RBM15B: variants seen among roughly 807,000 people sequenced by gnomAD.
RBM15B encodes the protein putative RNA-binding protein 15B.
Under a neutral mutation model 53.3 loss-of-function variants are expected in RBM15B, and 11 were observed. The ratio of observed to expected loss-of-function variants is 0.21; its 90% CI spans 0.13 to 0.34. The LOEUF (loss-of-function observed/expected upper bound fraction) is 0.34. Among genes scored for constraint, RBM15B ranks in the 10% least tolerant of loss-of-function variants. The probability of loss-of-function intolerance (pLI) is 1.00; values close to 1 mark genes in which losing one functional copy is unlikely to be tolerated. For synonymous variants in RBM15B, 631 were observed against 540.7 expected, an observed-to-expected ratio of 1.17 and a Z score of -2.32; for missense variants, 1,136 against 1,250.3, an observed-to-expected ratio of 0.91 and a Z score of 1.38.
At position 51,392,533 on chromosome 3, in the gene RBM15B, C is replaced by G; in HGVS notation, c.1134C>G (p.Ala378=). Residue 378 remains alanine (A), a synonymous_variant, in exon 1 of 1, where the codon GCC becomes GCG. Transcript: ENST00000563281. This position sits in a 1 kb window ranked among gnomAD's most constrained non-coding sequence, Gnocchi z 7.5. ...GGCCTGCCCGTGGCCAGGGCGGTGC[C>G]TATGCCTTCCTCAAGTTCCAGAACC... ...IKRPARGQGG[A]YAFLKFQNLD... The G allele has an allele frequency of 6.2e-7, 1 of 1,613,898 alleles. No individual in the cohort carries two copies. Among genetic ancestry groups the G allele is most frequent in the Admixed American group, 1.7e-5 (1 of 60,028 alleles).
rs1264607063 is a variant in RBM15B at position 51,397,347 on chromosome 3, CTT to C, written c.*3277_*3278del. ...CCAATTTTAGGGGCCTCTGAAGTAT[CTT>C]TCTACAAACGCAGACAAGCTCCACT... On this transcript the variant is annotated 3_prime_UTR_variant, in exon 1 of 1. Coordinates refer to ENST00000563281, the MANE Select transcript of RBM15B (RefSeq NM_013286.5). 6.0e-6 allele frequency: 1 copy of C among 167,078 alleles called. No homozygotes were observed. Among genetic ancestry groups the C allele is most frequent in the Non-Finnish European group, 1.5e-5 (1 of 68,130 alleles). The allele number at this position is 167,078 out of a possible 1,614,324, so 10.3% of individuals were successfully genotyped here. A position where few individuals can be genotyped will look rare whatever the true frequency, so the allele number is the denominator to read the frequency against.
At position 51,392,603 on chromosome 3, in the gene RBM15B, A is replaced by T. The variant is rs781963715; in HGVS notation, c.1204A>T (p.Ile402Phe). 15 of 1,614,044 alleles carry T rather than the reference A, an allele frequency of 9.3e-6. No homozygotes were observed. In the East Asian group the frequency reaches 3.3e-4, roughly 36 times the overall value. ...RAKVAMSGRV[I>F]GRNPIKIGYG... ...TAAGGTGGCCATGTCGGGCCGAGTG[A>T]TTGGTCGCAACCCCATTAAGATAGG... The change falls in exon 1 of 1, where the codon ATT (isoleucine) becomes TTT (phenylalanine). Residue 402 changes from isoleucine to phenylalanine, a missense_variant. By Grantham distance (21) the Ile-to-Phe change is conservative. Transcript: ENST00000563281. This position sits in a 1 kb window ranked among gnomAD's most constrained non-coding sequence, Gnocchi z 7.5.
At position 51,392,310 on chromosome 3, in the gene RBM15B, T is replaced by C; in HGVS notation, c.911T>C (p.Leu304Pro). 1 of 1,611,468 alleles carries C rather than the reference T, an allele frequency of 6.2e-7. No individual in the cohort carries two copies. Among genetic ancestry groups the C allele is most frequent in the Non-Finnish European group, 8.5e-7 (1 of 1,179,312 alleles). ...GTGGGACTGTCCCGGGAGCGGGCCC[T>C]GGACTACTACGGGCTGTACGACGAC... ...AAVGLSRERA[L>P]DYYGLYDDRG... The change falls in exon 1 of 1, where the codon CTG (leucine) becomes CCG (proline). Residue 304 changes from leucine to proline, a missense_variant. Physicochemically the swap from Leu to Pro is moderately conservative, Grantham distance 98 (BLOSUM62 -3). Around this residue, in one of 7 missense-constraint regions of RBM15B, gnomAD observed 204 missense variants for 196.8 expected, o/e 1.04. Transcript: ENST00000563281. This position sits in a 1 kb window ranked among gnomAD's most constrained non-coding sequence, Gnocchi z 7.5.
Position 51,391,537 on chromosome 3 carries a change from G to A in RBM15B, c.138G>A (p.Lys46=). ...RAAHKASGGA[K]HPVPARARDK... ...CGCACAAGGCCTCTGGCGGCGCCAA[G>A]CACCCGGTTCCAGCGCGGGCCCGCG... is the stretch of plus-strand genomic sequence containing the variant. Residue 46 remains lysine, a synonymous_variant, in exon 1 of 1, where the codon AAG becomes AAA. Coordinates refer to ENST00000563281, the MANE Select transcript of RBM15B (RefSeq NM_013286.5). This position sits in a 1 kb window ranked among gnomAD's most constrained non-coding sequence, Gnocchi z 4.5. The A allele has an allele frequency of 8.4e-7, 1 of 1,187,402 alleles. No individual in the cohort carries two copies. Among genetic ancestry groups the A allele is most frequent in the Non-Finnish European group, 1.0e-6 (1 of 959,472 alleles). The allele number at this position is 1,187,402 out of a possible 1,614,324, so 73.6% of individuals were successfully genotyped here. A position where few individuals can be genotyped will look rare whatever the true frequency, so the allele number is the denominator to read the frequency against.
In RBM15B at chr3:51,395,641, T is replaced by C. The variant is rs1553622616; in HGVS notation, c.*1569T>C. Reference sequence around the variant, plus strand: ...GATGATAACCAGGAACTCCAGGTTCTGCTGGCCGTGGCATCCTCTCTCCAG... The same window carrying C: ...GATGATAACCAGGAACTCCAGGTTCCGCTGGCCGTGGCATCCTCTCTCCAG... On this transcript the variant is annotated 3_prime_UTR_variant, in exon 1 of 1. Transcript: ENST00000563281. 2 of 410,604 alleles carry C rather than the reference T, an allele frequency of 4.9e-6. No homozygotes were observed. Among genetic ancestry groups the C allele is most frequent in the Middle Eastern group, 6.3e-4 (1 of 1,578 alleles). 25.4% of individuals were successfully genotyped at this position (410,604 alleles called of 1,614,324 possible).
In RBM15B at chr3:51,391,886, T is replaced by C. The variant is rs1208029894; in HGVS notation, c.487T>C (p.Phe163Leu). The change falls in exon 1 of 1, where the codon TTC (phenylalanine) becomes CTC (leucine). Residue 163 changes from phenylalanine (F) to leucine (L), a missense_variant. Phe to Leu is a conservative substitution (Grantham distance 22). This residue lies in a region of RBM15B where 257 missense variants were observed against 261.1 expected (regional missense o/e 0.98). Coordinates refer to ENST00000563281, the MANE Select transcript of RBM15B (RefSeq NM_013286.5). The surrounding 1 kb of genome is among the most constrained non-coding windows in gnomAD (Gnocchi z 4.5). ...CCTCGAGGACCGGCTCTTCCACCAG[T>C]TCAAGCGCTTCGGCGAGATCAGCCT... ...EHLEDRLFHQFKRFGEISLRL... is the reference protein window; with the variant it reads ...EHLEDRLFHQLKRFGEISLRL... The C allele has an allele frequency of 6.2e-7, 1 of 1,603,366 alleles. No homozygotes were observed. The highest frequency in any genetic ancestry group is 8.5e-7 in the Non-Finnish European group (1 of 1,179,186).
Position 51,392,358 on chromosome 3 carries a change from C to A in RBM15B, c.959C>A (p.Pro320Gln). ...GACCGTGGGCGCCCCTATGGCTACC[C>A]AGCTGTGTGTGAGGAGGACCTGATG... ...YDDRGRPYGY[P>Q]AVCEEDLMPE... is the part of the protein sequence containing the mutation. Residue 320 changes from proline (P) to glutamine (Q), a missense_variant, in exon 1 of 1, where the codon CCA (proline) becomes CAA (glutamine). By Grantham distance (76) the Pro-to-Gln change is moderately conservative (BLOSUM62 -1). Around this residue, in one of 7 missense-constraint regions of RBM15B, gnomAD observed 204 missense variants for 196.8 expected, o/e 1.04. Coordinates refer to ENST00000563281, the MANE Select transcript of RBM15B (RefSeq NM_013286.5). This position sits in a 1 kb window ranked among gnomAD's most constrained non-coding sequence, Gnocchi z 7.5. 3 of 1,613,946 alleles carry A rather than the reference C, an allele frequency of 1.9e-6. No homozygotes were observed. Among genetic ancestry groups the A allele is most frequent in the Non-Finnish European group, 2.5e-6 (3 of 1,180,032 alleles).
Position 51,391,654 on chromosome 3 carries a change from C to T in RBM15B, c.255C>T (p.Ser85=). The T allele has an allele frequency of 3.3e-6, 4 of 1,201,002 alleles. No individual in the cohort carries two copies. Among genetic ancestry groups the T allele is most frequent in the East Asian group, 3.5e-5 (1 of 28,386 alleles). The allele number at this position is 1,201,002 out of a possible 1,614,324, so 74.4% of individuals were successfully genotyped here. A position where few individuals can be genotyped will look rare whatever the true frequency, so the allele number is the denominator to read the frequency against. The change falls in exon 1 of 1, where the codon TCC becomes TCT. Residue 85 remains serine (S), a synonymous_variant. Coordinates refer to ENST00000563281, the MANE Select transcript of RBM15B (RefSeq NM_013286.5). The surrounding 1 kb of genome is among the most constrained non-coding windows in gnomAD (Gnocchi z 4.5). The part of the protein sequence containing the change: ...DANHRASSGR[S]SGSGAGGGGR... ...ATCACCGCGCGAGTAGCGGGCGCTCCTCGGGCTCCGGCGCTGGCGGCGGGG... is the reference window on the plus strand; with the variant it reads ...ATCACCGCGCGAGTAGCGGGCGCTCTTCGGGCTCCGGCGCTGGCGGCGGGG...
At position 51,392,245 on chromosome 3, in the gene RBM15B, C is replaced by T. The variant is rs1553621718; in HGVS notation, c.846C>T (p.Ala282=). 6.3e-7 allele frequency: 1 copy of T among 1,584,478 alleles called. No homozygotes were observed. Among genetic ancestry groups the T allele is most frequent in the Non-Finnish European group, 8.5e-7 (1 of 1,169,960 alleles). The change falls in exon 1 of 1, where the codon GCC becomes GCT. Residue 282 remains alanine (A), a synonymous_variant. Coordinates refer to ENST00000563281, the MANE Select transcript of RBM15B (RefSeq NM_013286.5). The surrounding 1 kb of genome is among the most constrained non-coding windows in gnomAD (Gnocchi z 7.5). ...PPLREPRARH[A]AAAFALDAAA... is the part of the protein sequence containing the mutation. ...TGCGGGAGCCCCGTGCCCGTCACGCCGCCGCAGCCTTCGCCCTGGATGCCG... is the reference window on the plus strand; with the variant it reads ...TGCGGGAGCCCCGTGCCCGTCACGCTGCCGCAGCCTTCGCCCTGGATGCCG...
In RBM15B at chr3:51,395,800, G is replaced by A. The variant is rs577715459; in HGVS notation, c.*1728G>A. 51 of 413,522 alleles carry A rather than the reference G, an allele frequency of 1.2e-4. No homozygotes were observed. The highest frequency in any genetic ancestry group is 7.1e-4 in the East Asian group (20 of 28,084). The allele number at this position is 413,522 out of a possible 1,614,324, so 25.6% of individuals were successfully genotyped here. On this transcript the variant is annotated 3_prime_UTR_variant, in exon 1 of 1. Transcript: ENST00000563281. ...TTGGCAGTGCTCTCGTAGACCCCTC[G>A]GTGATGTGGAATGGACAGGTGCCTC...
Position 51,394,185 on chromosome 3 carries a change from G to T in RBM15B, c.*113G>T, listed in dbSNP as rs1158625537. Reference sequence around the variant, plus strand: ...TTGAATTATCTCCTGGGTTATTTTGGTTCATTTGGGTGGGGATCAAAGTCC... The same window carrying T: ...TTGAATTATCTCCTGGGTTATTTTGTTTCATTTGGGTGGGGATCAAAGTCC... On this transcript the variant is annotated 3_prime_UTR_variant, in exon 1 of 1. Coordinates refer to ENST00000563281, the MANE Select transcript of RBM15B (RefSeq NM_013286.5). The T allele has an allele frequency of 6.4e-6, 8 of 1,254,228 alleles. No individual in the cohort carries two copies. The African/African-American group carries it at 1.2e-4, about 19-fold the overall frequency. 77.7% of individuals were successfully genotyped at this position (1,254,228 alleles called of 1,614,324 possible).
chr3:51,394,238 AT>A lies in RBM15B; in HGVS notation c.*170del. On this transcript the variant is annotated 3_prime_UTR_variant, in exon 1 of 1. Transcript: ENST00000563281. ...TCCACCACCAAAACTAAGTTCTTAG[AT>A]TTTGGGGGATTTTTTTTTTTAAACG... 8 of 994,032 alleles carry A rather than the reference AT, an allele frequency of 8.0e-6. No homozygotes were observed. The highest frequency in any genetic ancestry group is 1.1e-5 in the Non-Finnish European group (8 of 758,906). 61.6% of individuals were successfully genotyped at this position (994,032 alleles called of 1,614,324 possible). A position where few individuals can be genotyped will look rare whatever the true frequency, so the allele number is the denominator to read the frequency against.
Position 51,394,951 on chromosome 3 carries a change from C to T in RBM15B, c.*879C>T, listed in dbSNP as rs1288489035. ...TTGGGAGACAGAGTTGCCTCAGGTT[C>T]CCAGGGGCCCGGGAGTCCAAATACT... On this transcript the variant is annotated 3_prime_UTR_variant, in exon 1 of 1. Coordinates refer to ENST00000563281, the MANE Select transcript of RBM15B (RefSeq NM_013286.5). The T allele has an allele frequency of 1.2e-5, 2 of 167,250 alleles. No individual in the cohort carries two copies. The highest frequency in any genetic ancestry group is 4.8e-5 in the African/African-American group (2 of 41,452). 10.4% of individuals were successfully genotyped at this position (167,250 alleles called of 1,614,324 possible).
rs782359691 is a variant in RBM15B at position 51,391,755 on chromosome 3, C to A, written c.356C>A (p.Pro119Gln). 3 of 1,550,524 alleles carry A rather than the reference C, an allele frequency of 1.9e-6. No individual in the cohort carries two copies. Among genetic ancestry groups the A allele is most frequent in the Non-Finnish European group, 2.6e-6 (3 of 1,158,830 alleles). ...SPRASPLPPP[P>Q]PPPGAEPACP... is the part of the protein sequence containing the mutation. ...CGCGCGTCTCCTCTGCCGCCGCCTCCGCCACCGCCTGGGGCCGAGCCCGCG... is the reference window on the plus strand; with the variant it reads ...CGCGCGTCTCCTCTGCCGCCGCCTCAGCCACCGCCTGGGGCCGAGCCCGCG... Residue 119 changes from proline to glutamine, a missense_variant, in exon 1 of 1, where the codon CCG (proline) becomes CAG (glutamine). Physicochemically the swap from Pro to Gln is moderately conservative, Grantham distance 76. Around this residue, in one of 7 missense-constraint regions of RBM15B, gnomAD observed 257 missense variants for 261.1 expected, o/e 0.98. Coordinates refer to ENST00000563281, the MANE Select transcript of RBM15B (RefSeq NM_013286.5). The surrounding 1 kb of genome is among the most constrained non-coding windows in gnomAD (Gnocchi z 4.5).
Position 51,395,726 on chromosome 3 carries a change from T to C in RBM15B, c.*1654T>C. ...ATGAGTGACACCTGAGATTAGAGGC[T>C]GGGGCTCACTGCAGGCTGTGGAGAG... is the stretch of plus-strand genomic sequence containing the variant. On this transcript the variant is annotated 3_prime_UTR_variant, in exon 1 of 1. Coordinates refer to ENST00000563281, the MANE Select transcript of RBM15B (RefSeq NM_013286.5). 6 of 413,096 alleles carry C rather than the reference T, an allele frequency of 1.5e-5. No homozygotes were observed. Among genetic ancestry groups the C allele is most frequent in the Non-Finnish European group, 2.7e-5 (6 of 225,984 alleles). The allele number at this position is 413,096 out of a possible 1,614,324, so 25.6% of individuals were successfully genotyped here.
In RBM15B at chr3:51,393,604, G is replaced by A. The variant is rs1159994251; in HGVS notation, c.2205G>A (p.Thr735=). The A allele has an allele frequency of 2.5e-6, 4 of 1,614,038 alleles. No individual in the cohort carries two copies. Among genetic ancestry groups the A allele is most frequent in the Non-Finnish European group, 3.4e-6 (4 of 1,180,030 alleles). The change falls in exon 1 of 1, where the codon ACG becomes ACA. Residue 735 remains threonine, a synonymous_variant. Transcript: ENST00000563281. This position sits in a 1 kb window ranked among gnomAD's most constrained non-coding sequence, Gnocchi z 5.6. ...TGTTGAAAAACAGCTGCTTCCCCAC[G>A]TCTATGCATATCCTAGAGGGGGACC... ...LLVLKNSCFP[T]SMHILEGDQG...
rs2089100099 is a variant in RBM15B at position 51,394,308 on chromosome 3, A to ACTGT, written c.*240_*243dup. 1 of 479,968 alleles carries ACTGT rather than the reference A, an allele frequency of 2.1e-6. No homozygotes were observed. Among genetic ancestry groups the ACTGT allele is most frequent in the South Asian group, 1.1e-4 (1 of 8,782 alleles). 29.7% of individuals were successfully genotyped at this position (479,968 alleles called of 1,614,324 possible). On this transcript the variant is annotated 3_prime_UTR_variant, in exon 1 of 1. Coordinates refer to ENST00000563281, the MANE Select transcript of RBM15B (RefSeq NM_013286.5). ...TATGTTGATTTCTAGTGTACAAGAT[A>ACTGT]CTGTCTGCTGTGGTTCTGTATTTTT...
chr3:51,394,121 T>C lies in RBM15B; in HGVS notation c.*49T>C, dbSNP rs2089094126. The C allele has an allele frequency of 7.3e-7, 1 of 1,378,942 alleles. No homozygotes were observed. 85.4% of individuals were successfully genotyped at this position (1,378,942 alleles called of 1,614,324 possible). ...CATGTTTGTGTCACAAAAGCAGTTATTTTAAAATCTGATCCCCTCTCTACC... is the reference window on the plus strand; with the variant it reads ...CATGTTTGTGTCACAAAAGCAGTTACTTTAAAATCTGATCCCCTCTCTACC... On this transcript the variant is annotated 3_prime_UTR_variant, in exon 1 of 1. Transcript: ENST00000563281.
In RBM15B at chr3:51,392,465, G is replaced by A; in HGVS notation, c.1066G>A (p.Ala356Thr). The A allele has an allele frequency of 6.2e-7, 1 of 1,614,000 alleles. No homozygotes were observed. Among genetic ancestry groups the A allele is most frequent in the Non-Finnish European group, 8.5e-7 (1 of 1,180,044 alleles). ...CGTATCTGAGGTGGAGCTGCGAAGGGCCTTCGAGAAATATGGCATCATCGA... is the reference window on the plus strand; with the variant it reads ...CGTATCTGAGGTGGAGCTGCGAAGGACCTTCGAGAAATATGGCATCATCGA... The part of the protein sequence containing the change: ...HSVSEVELRR[A>T]FEKYGIIEEV... The change falls in exon 1 of 1, where the codon GCC becomes ACC. Residue 356 changes from alanine (A) to threonine (T), a missense_variant. Transcript: ENST00000563281. The surrounding 1 kb of genome is among the most constrained non-coding windows in gnomAD (Gnocchi z 7.5).
Sources: gnomAD v4.1 joint callset for allele counts on GRCh38, gnomAD v4.1.1 for gene constraint, gnomAD v4.1.1 regional missense constraint, Gnocchi (gnomAD v3.1) non-coding constraint, MANE v1.5 for transcripts, NCBI Gene and HGNC (gene_info 2026-07-23, HGNC 2026-07-21) for gene names.